The following ZNF208 variants were observed in gnomAD, a reference collection of about 807,000 sequenced individuals.
The protein encoded by ZNF208 is zinc finger protein 208.
ZNF208 carries 10 observed loss-of-function variants against 12.1 expected under a neutral mutation model. The ratio of observed to expected loss-of-function variants is 0.83; its 90% confidence interval spans 0.51 to 1.40. The LOEUF (loss-of-function observed/expected upper bound fraction) is 1.40. ZNF208 is among the 40% of genes most tolerant of loss of function. The pLI is 0.00. For missense variants in ZNF208, 1,652 were observed against 1,485.0 expected (o/e 1.11, Z -1.85); for synonymous variants, 497 against 488.4 (o/e 1.02, Z -0.23).
At chr19:21,963,404 T>A (rs1246130497), downstream of ZNF208, among the ~76,000 whole-genome samples, 1 of 152,070 alleles carries the variant, frequency 6.6e-6, no homozygotes, top group African/African-American at 2.4e-5. Flanking sequence ...GTGATATTTA[T>A]AAAAACTTTT....
intron 4 of ZNF208, among the ~76,000 whole-genome samples, chr19:21,943,766 G>T (rs1969778333): frequency 6.6e-6 from 1 of 152,004 alleles, no homozygotes; most frequent in South Asian, 2.1e-4. Flanking sequence ...AGTCTTACTG[G>T]GTAAAAATAA....
Position 22,000,380 on chromosome 19 carries a change from A to C in ZNF208, c.3+10412T>G, listed in dbSNP as rs149027192. Among the ~76,000 whole-genome samples, 494 of 152,302 alleles carry C rather than the reference A, an allele frequency of 3.2e-3. 1 individual carries two copies. Among genetic ancestry groups the C allele is most frequent in the Middle Eastern group, 6.8e-3 (2 of 294 alleles). On this transcript the variant is annotated intron_variant, in intron 1 of 3. Coordinates refer to ENST00000397126, the MANE Select transcript of ZNF208 (RefSeq NM_007153.3). ...CACACACACAGATTACAGCTTAAGA[A>C]AAAAATGATTCAATACCAATAAAAC... is the stretch of plus-strand genomic sequence containing the variant.
intron 4 of ZNF208, among the ~76,000 whole-genome samples, chr19:21,960,553 ACT>A (rs1221900638): frequency 7.2e-5 from 11 of 152,190 alleles, no homozygotes; most frequent in Non-Finnish European, 1.6e-4. Flanking sequence ...TGGGCTCAGC[ACT>A]CTGTGTCTTA....
At chr19:21,948,350 C>T (rs929989405) in intron 4 of ZNF208, among the ~76,000 whole-genome samples, 17 of 152,184 alleles carry the variant, frequency 1.1e-4, no homozygotes, top group South Asian at 2.1e-4. Flanking sequence ...TGTGAGACAA[C>T]CCAGATCTTT....
intron 1 of ZNF208, among the ~76,000 whole-genome samples, chr19:22,008,785 A>C (rs1199978443): frequency 6.6e-6 from 1 of 152,166 alleles, no homozygotes; most frequent in Non-Finnish European, 1.5e-5. Context: ...ACAGCACACC[A>C]GAAGATGCCT....
At chr19:21,993,749 A>G (rs1300444737) in intron 1 of ZNF208, among the ~76,000 whole-genome samples, 1 of 111,368 alleles carries the variant, frequency 9.0e-6, no homozygotes, top group African/African-American at 3.2e-5. Flanking sequence ...TCTTGTCAAA[A>G]CACAAATACT....
Position 21,974,329 on chromosome 19 carries a change from G to T in ZNF208, c.705C>A (p.Gly235=). Residue 235 remains glycine (G), a synonymous_variant, in exon 4 of 4, where the codon GGC becomes GGA. Coordinates refer to ENST00000397126, the MANE Select transcript of ZNF208 (RefSeq NM_007153.3). ...GEKPYRCKEC[G]KAFSKFSILT... ...GGATTGAGAACTTACTAAAGGCTTT[G>T]CCACATTCTTTACATCTGTAGGGTT... 1.9e-6 allele frequency: 3 copies of T among 1,613,654 alleles called. No individual in the cohort carries two copies. The highest frequency in any genetic ancestry group is 2.5e-6 in the Non-Finnish European group (3 of 1,179,780).
intron 4 of ZNF208, chr19:21,941,247 A>C (rs191208614): frequency 4.3e-4 from 172 of 399,048 alleles, no homozygotes; most frequent in African/African-American, 3.1e-3. Flanking sequence ...GACAAGAAAA[A>C]TGAAAGTCAA....
chr19:22,006,103 T>G (rs1299561289), intron 1 of ZNF208, among the ~76,000 whole-genome samples: 3 of 152,204 alleles, frequency 2.0e-5, no homozygotes, highest in Admixed American at 1.3e-4. Context: ...CTACTCTCAG[T>G]CCGAGCCACC....
chr19:21,958,288 G>A (rs1208687791), intron 4 of ZNF208, among the ~76,000 whole-genome samples: 8 of 151,990 alleles, frequency 5.3e-5, no homozygotes, highest in East Asian at 3.9e-4. Context: ...AAACCTACCC[G>A]GCTTATTCCT....
At chr19:21,992,079 A>G (rs1168568341) in intron 1 of ZNF208, among the ~76,000 whole-genome samples, 1 of 152,218 alleles carries the variant, frequency 6.6e-6, no homozygotes, top group Non-Finnish European at 1.5e-5. Flanking sequence ...AAAAACAGAC[A>G]AATGGAAAGG....
intron 1 of ZNF208, among the ~76,000 whole-genome samples, chr19:22,003,278 C>A (rs1970986378): frequency 6.6e-6 from 1 of 151,910 alleles, no homozygotes; most frequent in African/African-American, 2.4e-5. Flanking sequence ...TAGAAACTGG[C>A]AAAGATTTCA....
intron 3 of ZNF208, among the ~76,000 whole-genome samples, chr19:21,976,709 C>T (rs993443576): frequency 3.9e-5 from 6 of 151,992 alleles, no homozygotes; most frequent in Non-Finnish European, 1.5e-5. Flanking sequence ...TACAGGCATG[C>T]ACCACCACAC....
At position 21,971,850 on chromosome 19, in the gene ZNF208, A is replaced by T. The variant is rs1408371459; in HGVS notation, c.3184T>A (p.Cys1062Ser). The T allele has an allele frequency of 2.5e-6, 4 of 1,613,556 alleles. No homozygotes were observed. In the South Asian group the frequency reaches 4.4e-5, roughly 18 times the overall value. The change falls in exon 4 of 4, where the codon TGT becomes AGT. Residue 1062 changes from cysteine to serine, a missense_variant. Cys to Ser is a moderately radical substitution (Grantham distance 112). Coordinates refer to ENST00000397126, the MANE Select transcript of ZNF208 (RefSeq NM_007153.3). ...AGEKPYKCEE[C>S]GKAFSWPSRL... ...GAGGGCCAGCTGAAGGCTTTGCCAC[A>T]TTCTTCACATTTGTAGGGTTTTTCT...
At chr19:21,958,773 C>T (rs1970017894) in intron 4 of ZNF208, among the ~76,000 whole-genome samples, 1 of 151,852 alleles carries the variant, frequency 6.6e-6, no homozygotes, top group South Asian at 2.1e-4. Context: ...TGAGGAATAG[C>T]CAAAAATATC....
chr19:21,987,305 G>A lies in ZNF208; in HGVS notation c.137C>T (p.Ala46Val), dbSNP rs751934829. 1 of 1,603,082 alleles carries A rather than the reference G, an allele frequency of 6.2e-7. No individual in the cohort carries two copies. The highest frequency in any genetic ancestry group is 1.7e-5 in the Admixed American group (1 of 58,112). Residue 46 changes from alanine to valine, a missense_variant, in exon 3 of 4, where the codon GCT (alanine) becomes GTT (valine). By Grantham distance (64) the Ala-to-Val change is moderately conservative (BLOSUM62 0). This residue lies in a region of ZNF208 where 410 missense variants were observed against 378.2 expected (regional missense o/e 1.08). Coordinates refer to ENST00000397126, the MANE Select transcript of ZNF208 (RefSeq NM_007153.3). ...NYRNLVFLGI[A>V]AFKPDLIIFL... Reference sequence around the variant, plus strand: ...AATGATCAGGTCTGGCTTAAAGGCAGCAATACCTGTTTTATTAAAAATGAA... The same window carrying A: ...AATGATCAGGTCTGGCTTAAAGGCAACAATACCTGTTTTATTAAAAATGAA...
chr19:21,983,736 G>A (rs1410739052), intron 3 of ZNF208, among the ~76,000 whole-genome samples: 1 of 151,992 alleles, frequency 6.6e-6, no homozygotes, highest in African/African-American at 2.4e-5. Context: ...ATCATTCTCA[G>A]CAAACTAACA....
At chr19:22,001,461 T>C (rs2145582254) in intron 1 of ZNF208, among the ~76,000 whole-genome samples, 1 of 152,212 alleles carries the variant, frequency 6.6e-6, no homozygotes, top group Middle Eastern at 3.4e-3. Flanking sequence ...CTAGAACAAT[T>C]TCAAAAGATT....
At position 21,969,624 on chromosome 19, in the gene ZNF208, G is replaced by T. The variant is rs995380246; in HGVS notation, c.*1567C>A. Among the ~76,000 whole-genome samples, 4 of 152,010 alleles carry T rather than the reference G, an allele frequency of 2.6e-5. No individual in the cohort carries two copies. The highest frequency in any genetic ancestry group is 4.4e-5 in the Non-Finnish European group (3 of 67,986). On this transcript the variant is annotated 3_prime_UTR_variant, in exon 4 of 4. Transcript: ENST00000397126. ...TTTCCAAATTTATTAAATTTGCAGG[G>T]TTATTCTTCAATATAAATTCCCTGA...
Sources: gnomAD v4.1 joint callset for allele counts (sites outside exome capture counted in the v4.1 genomes callset) on GRCh38, gnomAD v4.1.1 for gene constraint, gnomAD v4.1.1 regional missense constraint, MANE v1.5 for transcripts, NCBI Gene and HGNC (gene_info 2026-07-23, HGNC 2026-07-21) for gene names.